The following LRP1B variants were observed in gnomAD, a reference collection of about 807,000 sequenced individuals.
LRP1B encodes the protein low-density lipoprotein receptor-related protein 1B.
A neutral mutation model predicts 556.6 loss-of-function variants in LRP1B; 217 were observed. The ratio of observed to expected loss-of-function variants is 0.39; its 90% CI spans 0.35 to 0.44. The LOEUF is 0.44. Among genes scored for constraint, LRP1B ranks in the 20% least tolerant of loss-of-function variants. The pLI, the probability that LRP1B is intolerant of heterozygous loss-of-function variation, is 1.00. For missense variants in LRP1B, 5,053 were observed against 5,620.8 expected (o/e 0.90, Z 3.23); for synonymous variants, 2,047 against 1,865.8 (o/e 1.10, Z -2.50).
At chr2:141,317,853 G>A (rs940032866) in intron 3 of LRP1B, among the ~76,000 whole-genome samples, 9 of 152,088 alleles carry the variant, frequency 5.9e-5, no homozygotes, top group Non-Finnish European at 1.2e-4. Flanking sequence ...GATGATAGTT[G>A]CAAAATTTTC....
intron 35 of LRP1B, among the ~76,000 whole-genome samples, chr2:140,748,420 ATATAT>A (rs1218430551): frequency 8.3e-5 from 9 of 108,136 alleles, no homozygotes; most frequent in South Asian, 2.9e-4. Context: ...CATATATAAT[ATATAT>A]TATATTTATA....
intron 2 of LRP1B, among the ~76,000 whole-genome samples, chr2:141,801,521 C>T (rs1040403624): frequency 6.6e-6 from 1 of 152,124 alleles, no homozygotes; most frequent in African/African-American, 2.4e-5. Flanking sequence ...TCTGCATGTG[C>T]TAGATCACCA....
At chr2:141,120,424 T>C (rs1701018693) in intron 7 of LRP1B, among the ~76,000 whole-genome samples, 1 of 151,892 alleles carries the variant, frequency 6.6e-6, no homozygotes. Context: ...ATGGGTATCA[T>C]TATGTTGAAG....
At chr2:142,072,376 G>A (rs1705348778) in intron 1 of LRP1B, among the ~76,000 whole-genome samples, 1 of 151,706 alleles carries the variant, frequency 6.6e-6, no homozygotes, top group South Asian at 2.1e-4. Context: ...TTTACACTCA[G>A]GGTTTTGAAT....
chr2:140,797,255 CT>C (rs1339434258), intron 32 of LRP1B, among the ~76,000 whole-genome samples: 38 of 151,972 alleles, frequency 2.5e-4, no homozygotes, highest in Admixed American at 2.5e-3. Context: ...ACCCAATCTT[CT>C]TTTAAAGAAG....
chr2:141,595,664 AT>A (rs1387048214), intron 2 of LRP1B, among the ~76,000 whole-genome samples: 1 of 152,094 alleles, frequency 6.6e-6, no homozygotes, highest in Non-Finnish European at 1.5e-5. Flanking sequence ...CACATCTTTC[AT>A]CAATTTCTCC....
In LRP1B at chr2:141,493,851, C is replaced by T. The variant is rs376147987; in HGVS notation, c.206-13318G>A. ...CTAACTATGGGCATGATCTCACATGCTTTGCCTTGATGACAGAATACTTAT... is the reference window on the plus strand; with the variant it reads ...CTAACTATGGGCATGATCTCACATGTTTTGCCTTGATGACAGAATACTTAT... On this transcript the variant is annotated intron_variant, in intron 2 of 90. Transcript: ENST00000389484. 2.6e-5 allele frequency among the ~76,000 whole-genome samples: 4 copies of T among 152,300 alleles called. No individual in the cohort carries two copies. The East Asian group carries it at 5.8e-4, about 22-fold the overall frequency.
At chr2:140,724,807 T>TTA (rs1687533756) in intron 35 of LRP1B, among the ~76,000 whole-genome samples, 1 of 110,618 alleles carries the variant, frequency 9.0e-6, no homozygotes, top group Admixed American at 8.6e-5. Context: ...ATTATCGAGA[T>TTA]AAAAAAATAA....
At chr2:140,726,642 T>C (rs1687604749) in intron 35 of LRP1B, among the ~76,000 whole-genome samples, 2 of 152,228 alleles carry the variant, frequency 1.3e-5, no homozygotes, top group African/African-American at 2.4e-5. Flanking sequence ...TCATATGCCA[T>C]AGATACGTAA....
At chr2:140,813,948 A>C in intron 31 of LRP1B, 142 bp from the exon 32 acceptor site, 1 of 619,036 alleles carries the variant, frequency 1.6e-6, no homozygotes. Context: ...CTAATAGGGA[A>C]ATACACATAT....
rs187168386 is a variant in LRP1B at position 140,558,698 on chromosome 2, G to T, written c.7195-16727C>A. Among the ~76,000 whole-genome samples, 460 of 152,142 alleles carry T rather than the reference G, an allele frequency of 3.0e-3. 4 individuals are homozygous for T. The highest frequency in any genetic ancestry group is 0.011 in the African/African-American group (447 of 41,510). ...TCACACTTGAAATCCCAGCACTTTA[G>T]GAGGCCAAGGCGAGGGGATCACTTG... On this transcript the variant is annotated intron_variant, in intron 43 of 90. Coordinates refer to ENST00000389484, the MANE Select transcript of LRP1B (RefSeq NM_018557.3).
intron 60 of LRP1B, among the ~76,000 whole-genome samples, chr2:140,474,916 T>C (rs1238026076): frequency 1.3e-5 from 2 of 151,704 alleles, no homozygotes; most frequent in East Asian, 1.9e-4. Context: ...TTTAGAAAAA[T>C]AGATTAAAGA....
intron 15 of LRP1B, among the ~76,000 whole-genome samples, chr2:141,003,500 G>A (rs1697484102): frequency 1.3e-5 from 2 of 151,910 alleles, no homozygotes; most frequent in South Asian, 2.1e-4. Flanking sequence ...TGAATTATGG[G>A]GACAAGTCTT....
chr2:142,081,547 A>T lies in LRP1B; in HGVS notation c.82+49101T>A, dbSNP rs571329187. 3.2e-4 allele frequency among the ~76,000 whole-genome samples: 49 copies of T among 152,336 alleles called. 3 individuals are homozygous for T. The South Asian group carries it at 0.01, about 32-fold the overall frequency. On this transcript the variant is annotated intron_variant, in intron 1 of 90. Transcript: ENST00000389484. ...GATGAAACACAAAGGAGAGAACAAT[A>T]AACTCTACCCTGAGAAGGAGAATTG... is the stretch of plus-strand genomic sequence containing the variant.
chr2:142,019,950 T>G (rs1161867030), intron 1 of LRP1B, among the ~76,000 whole-genome samples: 1 of 152,210 alleles, frequency 6.6e-6, no homozygotes, highest in East Asian at 1.9e-4. Context: ...TGGCTACAAT[T>G]TCTAATTACT....
chr2:141,296,648 C>G (rs573417013), intron 3 of LRP1B, among the ~76,000 whole-genome samples: 2 of 152,298 alleles, frequency 1.3e-5, no homozygotes, highest in African/African-American at 4.8e-5. Flanking sequence ...ATTTATTGCA[C>G]TGACATAAGT....
rs995112643 is a variant in LRP1B, at chr2:141,226,120, C to CA, written c.850+3062_850+3063insT. On this transcript the variant is annotated intron_variant, in intron 6 of 90. Coordinates refer to ENST00000389484, the MANE Select transcript of LRP1B (RefSeq NM_018557.3). ...TAACTGCTCAGAGTCTCAATTTTCC[C>CA]CCCCAAAAAAAACCAAAAGAATAAT... is the stretch of plus-strand genomic sequence containing the variant. 1.7e-4 allele frequency among the ~76,000 whole-genome samples: 12 copies of CA among 71,894 alleles called. No individual in the cohort carries two copies. The South Asian group carries it at 2.3e-3, about 14-fold the overall frequency. 47.2% of individuals were successfully genotyped at this position (71,894 alleles called of 152,430 possible). A position where few individuals can be genotyped will look rare whatever the true frequency, so the allele number is the denominator to read the frequency against.
intron 43 of LRP1B, among the ~76,000 whole-genome samples, chr2:140,543,001 C>A (rs1558956355): frequency 6.6e-6 from 1 of 152,128 alleles, no homozygotes; most frequent in African/African-American, 2.4e-5. Flanking sequence ...AATTCAAATT[C>A]TAATTCATGA....
Position 140,951,891 on chromosome 2 carries a change from T to C in LRP1B, c.2937A>G (p.Arg979=), listed in dbSNP as rs1695727199. 1.9e-6 allele frequency: 3 copies of C among 1,614,058 alleles called. No homozygotes were observed. Among genetic ancestry groups the C allele is most frequent in the East Asian group, 4.5e-5 (2 of 44,852 alleles). Reference sequence around the variant, plus strand: ...CGCAGTGCCATTTGCTGCTAATGCATCTTCCACTTTTGCATACGAATTGGG... The same window carrying C: ...CGCAGTGCCATTTGCTGCTAATGCACCTTCCACTTTTGCATACGAATTGGG... ...PLTQFVCKSG[R]CISSKWHCDS... Residue 979 remains arginine, a synonymous_variant, in exon 19 of 91, where the codon AGA becomes AGG. Coordinates refer to ENST00000389484, the MANE Select transcript of LRP1B (RefSeq NM_018557.3).
Sources: gnomAD v4.1 joint callset for allele counts (sites outside exome capture counted in the v4.1 genomes callset) on GRCh38, gnomAD v4.1.1 for gene constraint, MANE v1.5 for transcripts, NCBI Gene and HGNC (gene_info 2026-07-23, HGNC 2026-07-21) for gene names.